Variants in LPCAT1 observed in about 807,000 individuals in gnomAD.
LPCAT1 encodes the protein lysophosphatidylcholine acyltransferase 1.
LPCAT1 carries 23 observed loss-of-function variants against 60.9 expected under a neutral mutation model. The ratio of observed to expected loss-of-function variants is 0.38; its 90% CI spans 0.27 to 0.53. LPCAT1 has a LOEUF of 0.53. Ranked by LOEUF, LPCAT1 falls within the 20% of genes least tolerant of loss-of-function variation. LPCAT1 has a pLI of 0.82. For missense variants in LPCAT1, 622 were observed against 723.6 expected, an observed-to-expected ratio of 0.86 and a Z score of 1.61; for synonymous variants, 340 against 301.1, an observed-to-expected ratio of 1.13 and a Z score of -1.34.
At chr5:1,516,236 C>A (rs1396004679) in intron 1 of LPCAT1, among the ~76,000 whole-genome samples, 3 of 152,246 alleles carry the variant, frequency 2.0e-5, no homozygotes, top group East Asian at 3.8e-4. Context: ...ACTGACTGGG[C>A]AGACAGCCTG....
At chr5:1,473,878 A>G in intron 11 of LPCAT1, 79 bp downstream of exon 11, 2 of 1,517,910 alleles carry the variant, frequency 1.3e-6, no homozygotes, top group Non-Finnish European at 1.8e-6. Context: ...AAATATATTT[A>G]TATTAGAATG....
intron 1 of LPCAT1, among the ~76,000 whole-genome samples, chr5:1,509,822 C>T (rs1204470592): frequency 1.3e-5 from 2 of 152,202 alleles, no homozygotes; most frequent in Admixed American, 6.5e-5. Context: ...AAAGTGGCAC[C>T]GTGAACCATT....
At chr5:1,464,898 CACTA>C (rs372275397) in intron 13 of LPCAT1, among the ~76,000 whole-genome samples, 31,913 of 150,902 alleles carry the variant, frequency 0.21, 3,620 homozygotes, top group South Asian at 0.28. Context: ...TGCACACACA[CACTA>C]ACTAAACACA....
At chr5:1,516,256 C>T (rs369085872) in intron 1 of LPCAT1, among the ~76,000 whole-genome samples, 14 of 152,358 alleles carry the variant, frequency 9.2e-5, no homozygotes, top group African/African-American at 3.4e-4. Context: ...GGCACAGGGA[C>T]AGGACAGGTC....
intron 3 of LPCAT1, among the ~76,000 whole-genome samples, chr5:1,493,548 G>A (rs1352117405): frequency 6.6e-6 from 1 of 152,276 alleles, no homozygotes; most frequent in African/African-American, 2.4e-5. Context: ...CGTCCCAGCA[G>A]CTCCTTCCCT....
chr5:1,461,735 T>C lies in LPCAT1; in HGVS notation c.*1916A>G, dbSNP rs1734102436. The C allele has an allele frequency of 2.0e-5, 3 of 152,730 alleles. No individual in the cohort carries two copies. The highest frequency in any genetic ancestry group is 1.9e-4 in the East Asian group (1 of 5,206). 9.5% of individuals were successfully genotyped at this position (152,730 alleles called of 1,614,324 possible). A position where few individuals can be genotyped will look rare whatever the true frequency, so the allele number is the denominator to read the frequency against. ...AGTCTGTTTATCAGAGATTTTTTTT[T>C]CTGAAAATGCACAGTGGCATTTCAT... On this transcript the variant is annotated 3_prime_UTR_variant, in exon 14 of 14. Transcript: ENST00000283415.
intron 2 of LPCAT1, among the ~76,000 whole-genome samples, chr5:1,498,409 A>G (rs1204198874): frequency 6.6e-6 from 1 of 152,188 alleles, no homozygotes; most frequent in Non-Finnish European, 1.5e-5. Flanking sequence ...CAGGGGCTCC[A>G]GGGGTGGGAT....
chr5:1,468,652 G>C (rs568344794), intron 12 of LPCAT1, among the ~76,000 whole-genome samples: 19 of 152,250 alleles, frequency 1.2e-4, no homozygotes, highest in African/African-American at 4.3e-4. Flanking sequence ...GTTTTACCAG[G>C]GCCACATCTT....
rs1041406255 is a variant in LPCAT1, at chr5:1,512,699, G to C, written c.135+11011C>G. Among the ~76,000 whole-genome samples the C allele has an allele frequency of 3.3e-5, 5 of 152,354 alleles. No homozygotes were observed. In the East Asian group the frequency reaches 9.6e-4, roughly 29 times the overall value. On this transcript the variant is annotated intron_variant, in intron 1 of 13. Transcript: ENST00000283415. ...CTCCCATCGGGGGGCTCTGCTGTCT[G>C]GACTAAGCGTTCCCTGACACCCTGG...
chr5:1,521,016 T>C lies in LPCAT1; in HGVS notation c.135+2694A>G, dbSNP rs1736658149. On this transcript the variant is annotated intron_variant, in intron 1 of 13. Coordinates refer to ENST00000283415, the MANE Select transcript of LPCAT1 (RefSeq NM_024830.5). This position sits in a 1 kb window ranked among gnomAD's most constrained non-coding sequence, Gnocchi z 4.3. ...AAACCACTTCATGACTCCAAAACGA[T>C]ATATGAATGTGTGACTATGAAGAAC... Among the ~76,000 whole-genome samples the C allele has an allele frequency of 6.6e-6, 1 of 151,588 alleles. No homozygotes were observed. The highest frequency in any genetic ancestry group is 1.5e-5 in the Non-Finnish European group (1 of 67,936).
In LPCAT1 at chr5:1,463,636, C is replaced by G; in HGVS notation, c.*15G>C. 6.2e-7 allele frequency: 1 copy of G among 1,613,414 alleles called. No homozygotes were observed. The highest frequency in any genetic ancestry group is 8.5e-7 in the Non-Finnish European group (1 of 1,179,916). Reference sequence around the variant, plus strand: ...TCCACGCGGGAGGGGCCGCGTCTCTCCGCAACCCTGGGTCCTAATCCAGCT... The same window carrying G: ...TCCACGCGGGAGGGGCCGCGTCTCTGCGCAACCCTGGGTCCTAATCCAGCT... On this transcript the variant is annotated 3_prime_UTR_variant, in exon 14 of 14. Coordinates refer to ENST00000283415, the MANE Select transcript of LPCAT1 (RefSeq NM_024830.5).
At position 1,495,859 on chromosome 5, in the gene LPCAT1, A is replaced by G. The variant is rs1219615412; in HGVS notation, c.279-945T>C. ...GAAGACTTCCAGGACAGGGGTCCCCATGGATCTGAGCCAAGGCGGTTGCTA... is the reference window on the plus strand; with the variant it reads ...GAAGACTTCCAGGACAGGGGTCCCCGTGGATCTGAGCCAAGGCGGTTGCTA... On this transcript the variant is annotated intron_variant, in intron 2 of 13. Coordinates refer to ENST00000283415, the MANE Select transcript of LPCAT1 (RefSeq NM_024830.5). The surrounding 1 kb of genome is among the most constrained non-coding windows in gnomAD (Gnocchi z 4.7). Among the ~76,000 whole-genome samples the G allele has an allele frequency of 6.6e-6, 1 of 152,206 alleles. No homozygotes were observed. Among genetic ancestry groups the G allele is most frequent in the East Asian group, 1.9e-4 (1 of 5,200 alleles).
At chr5:1,500,945 G>A (rs1352594076) in intron 2 of LPCAT1, among the ~76,000 whole-genome samples, 1 of 152,228 alleles carries the variant, frequency 6.6e-6, no homozygotes, top group African/African-American at 2.4e-5. Flanking sequence ...ACCTCCCTAG[G>A]CAGGAGGCCT....
At position 1,521,320 on chromosome 5, in the gene LPCAT1, T is replaced by C. The variant is rs1294549084; in HGVS notation, c.135+2390A>G. On this transcript the variant is annotated intron_variant, in intron 1 of 13. Transcript: ENST00000283415. The surrounding 1 kb of genome is among the most constrained non-coding windows in gnomAD (Gnocchi z 4.3). ...ACAGCAGCCCCTCCCAGGCGGCAAA[T>C]GCTCACAGGTAAATGCAGGTACTCA... is the stretch of plus-strand genomic sequence containing the variant. 1.0e-5 allele frequency: 10 copies of C among 985,274 alleles called. No individual in the cohort carries two copies. Among genetic ancestry groups the C allele is most frequent in the Non-Finnish European group, 1.1e-5 (9 of 829,920 alleles). 61.0% of individuals were successfully genotyped at this position (985,274 alleles called of 1,614,324 possible).
rs182648614 is a variant in LPCAT1 at position 1,500,307 on chromosome 5, A to G, written c.278+1154T>C. ...TTATCAAAGTATTTATGATATCTCAACATTTTCATTTGCTAATGGCAGATA... is the reference window on the plus strand; with the variant it reads ...TTATCAAAGTATTTATGATATCTCAGCATTTTCATTTGCTAATGGCAGATA... On this transcript the variant is annotated intron_variant, in intron 2 of 13. Transcript: ENST00000283415. Among the ~76,000 whole-genome samples, 188 of 152,400 alleles carry G rather than the reference A, an allele frequency of 1.2e-3. 1 individual carries two copies. The Middle Eastern group carries it at 0.014, about 11-fold the overall frequency.
In LPCAT1 at chr5:1,496,277, C is replaced by T. The variant is rs1298205554; in HGVS notation, c.279-1363G>A. 1.3e-5 allele frequency among the ~76,000 whole-genome samples: 2 copies of T among 152,130 alleles called. No homozygotes were observed. The highest frequency in any genetic ancestry group is 4.8e-5 in the African/African-American group (2 of 41,412). The stretch of plus-strand genomic sequence containing the variant: ...TCAGGAGGCTGAGGCAGGAGAACTG[C>T]TTGAACCCAAGGGGCGGAGGTTGCA... On this transcript the variant is annotated intron_variant, in intron 2 of 13. Transcript: ENST00000283415. This position sits in a 1 kb window ranked among gnomAD's most constrained non-coding sequence, Gnocchi z 4.7.
intron 12 of LPCAT1, chr5:1,467,389 C>G (rs1405612051): frequency 6.5e-6 from 1 of 153,198 alleles, no homozygotes; most frequent in Admixed American, 6.5e-5. Flanking sequence ...TGAGAAGGAC[C>G]TGGGAGGGCC....
Position 1,477,583 on chromosome 5 carries a change from C to T in LPCAT1, c.817-97G>A. The T allele has an allele frequency of 1.2e-6, 1 of 863,340 alleles. No homozygotes were observed. The highest frequency in any genetic ancestry group is 1.9e-6 in the Non-Finnish European group (1 of 536,552). The allele number at this position is 863,340 out of a possible 1,614,324, so 53.5% of individuals were successfully genotyped here. ...GGAGGCTGACAAAATTAAGATCTGTCAAAGTAACGCCCATTAGAACCGTCT... is the reference window on the plus strand; with the variant it reads ...GGAGGCTGACAAAATTAAGATCTGTTAAAGTAACGCCCATTAGAACCGTCT... On this transcript the variant is annotated intron_variant, in intron 8 of 13. Transcript: ENST00000283415. The surrounding 1 kb of genome is among the most constrained non-coding windows in gnomAD (Gnocchi z 6.0).
chr5:1,497,152 CAG>C (rs1482924648), intron 2 of LPCAT1, among the ~76,000 whole-genome samples: 1 of 152,230 alleles, frequency 6.6e-6, no homozygotes, highest in Non-Finnish European at 1.5e-5. Context: ...TCTGGAAGAA[CAG>C]GGCGCTGAGG....
Sources: gnomAD v4.1 joint callset for allele counts (sites outside exome capture counted in the v4.1 genomes callset) on GRCh38, gnomAD v4.1.1 for gene constraint, Gnocchi (gnomAD v3.1) non-coding constraint, MANE v1.5 for transcripts, NCBI Gene and HGNC (gene_info 2026-07-23, HGNC 2026-07-21) for gene names.